AJAP1: variants seen among roughly 807,000 people sequenced by gnomAD.
AJAP1 encodes adherens junctions associated protein 1.
In AJAP1, 5 loss-of-function variants were observed where a neutral mutation model predicts 35.0. That is an observed-to-expected ratio of 0.14 (90% CI 0.07 to 0.30). The LOEUF (loss-of-function observed/expected upper bound fraction) is 0.30. Among genes scored for constraint, AJAP1 ranks in the 10% least tolerant of loss-of-function variants. The pLI is 1.00. For missense variants in AJAP1, 586 were observed against 571.0 expected, an observed-to-expected ratio of 1.03 and a Z score of -0.27; for synonymous variants, 284 against 249.3, an observed-to-expected ratio of 1.14 and a Z score of -1.31.
chr1:4,705,950 C>T (rs2100254208), intron 1 of AJAP1, among the ~76,000 whole-genome samples: 1 of 152,320 alleles, frequency 6.6e-6, no homozygotes. Flanking sequence ...GCATGGTGAC[C>T]TACGGTATCC....
Position 4,776,940 on chromosome 1 carries a change from C to G in AJAP1, c.*59+2382C>G, listed in dbSNP as rs149329254. ...CGCTCAGCCTGGGAATCTGCCGACA[C>G]GAAGCCACGGCCCACTCCTGGTGGC... is the stretch of plus-strand genomic sequence containing the variant. On this transcript the variant is annotated intron_variant, in intron 5 of 5. Transcript: ENST00000378191. 5.9e-3 allele frequency among the ~76,000 whole-genome samples: 901 copies of G among 152,362 alleles called. 4 individuals are homozygous for G. The highest frequency in any genetic ancestry group is 0.01 in the Non-Finnish European group (713 of 68,038).
intron 2 of AJAP1, among the ~76,000 whole-genome samples, chr1:4,727,972 G>A (rs932543695): frequency 3.3e-5 from 5 of 152,190 alleles, no homozygotes; most frequent in Non-Finnish European, 5.9e-5. Flanking sequence ...GGTGGTACAC[G>A]GAGCCTCTGA....
chr1:4,702,973 T>C (rs1397129183), intron 1 of AJAP1, among the ~76,000 whole-genome samples: 1 of 152,196 alleles, frequency 6.6e-6, no homozygotes, highest in Non-Finnish European at 1.5e-5. Context: ...TCTTGTGTTC[T>C]GGAGGTTTCT....
chr1:4,772,015 G>C (rs940615476), intron 3 of AJAP1, among the ~76,000 whole-genome samples: 1 of 151,764 alleles, frequency 6.6e-6, no homozygotes, highest in African/African-American at 2.4e-5. Context: ...CTAGCTCTGC[G>C]ATCACACAGC....
chr1:4,655,551 TCTTCG>T lies in AJAP1; in HGVS notation c.29+102_29+106del. On this transcript the variant is annotated intron_variant, in intron 1 of 5. Coordinates refer to ENST00000378191, the MANE Select transcript of AJAP1 (RefSeq NM_018836.4). This position sits in a 1 kb window ranked among gnomAD's most constrained non-coding sequence, Gnocchi z 6.9. Reference sequence around the variant, plus strand: ...TCTATGTTGCAAATCAAGGGACCCCTCTTCGCTTCCCGCAAGCGGGCAACGGGGTG... The same window carrying T: ...TCTATGTTGCAAATCAAGGGACCCCTCTTCCCGCAAGCGGGCAACGGGGTG... 1.4e-6 allele frequency: 2 copies of T among 1,431,484 alleles called. No individual in the cohort carries two copies. Among genetic ancestry groups the T allele is most frequent in the South Asian group, 2.5e-5 (2 of 79,624 alleles). 88.7% of individuals were successfully genotyped at this position (1,431,484 alleles called of 1,614,324 possible).
At position 4,712,764 on chromosome 1, in the gene AJAP1, G is replaced by A. The variant is rs1034844122; in HGVS notation, c.829+65G>A. The A allele has an allele frequency of 2.2e-5, 32 of 1,440,718 alleles. No individual in the cohort carries two copies. In the Admixed American group the frequency reaches 4.4e-4, roughly 20 times the overall value. The allele number at this position is 1,440,718 out of a possible 1,614,324, so 89.2% of individuals were successfully genotyped here. A position where few individuals can be genotyped will look rare whatever the true frequency, so the allele number is the denominator to read the frequency against. ...TGAGGGCTGGGAGCGTGACTCGGGA[G>A]AGATGCTTAGATGTCCCTGGGTGAT... is the stretch of plus-strand genomic sequence containing the variant. On this transcript the variant is annotated intron_variant, in intron 2 of 5. Transcript: ENST00000378191.
intron 2 of AJAP1, among the ~76,000 whole-genome samples, chr1:4,730,681 C>T (rs1019304820): frequency 3.9e-5 from 6 of 152,158 alleles, no homozygotes; most frequent in African/African-American, 9.7e-5. Flanking sequence ...CCCGTGTTCC[C>T]AGGAGGAAAA....
chr1:4,694,152 G>A (rs766421535), intron 1 of AJAP1, among the ~76,000 whole-genome samples: 4 of 150,392 alleles, frequency 2.7e-5, no homozygotes, highest in Non-Finnish European at 4.4e-5. Flanking sequence ...AGTCCATTAC[G>A]ACCAGCTCAG....
chr1:4,743,839 G>T (rs1341166190), intron 2 of AJAP1, among the ~76,000 whole-genome samples: 5 of 152,132 alleles, frequency 3.3e-5, no homozygotes, highest in Admixed American at 3.3e-4. Context: ...TTGGCCTCCT[G>T]ACTTCAATGA....
chr1:4,705,330 A>G (rs12131565), intron 1 of AJAP1, among the ~76,000 whole-genome samples: 18,962 of 147,934 alleles, frequency 0.13, 1,348 homozygotes, highest in South Asian at 0.19. Flanking sequence ...GGCATGGGCA[A>G]GGACTTCATG....
rs576063673 is a variant in AJAP1 at position 4,682,226 on chromosome 1, C to T, written c.29+26772C>T. 6.2e-4 allele frequency among the ~76,000 whole-genome samples: 94 copies of T among 152,310 alleles called. 1 individual carries two copies. The highest frequency in any genetic ancestry group is 2.2e-3 in the African/African-American group (91 of 41,544). On this transcript the variant is annotated intron_variant, in intron 1 of 5. Coordinates refer to ENST00000378191, the MANE Select transcript of AJAP1 (RefSeq NM_018836.4). The stretch of plus-strand genomic sequence containing the variant: ...AATATGGAGGTGTGGATGTGGCAGG[C>T]TGTGCTGCCCATCGATGGTCTTCAT...
chr1:4,772,663 C>T (rs530408145), intron 4 of AJAP1, 138 bp downstream of exon 4: 2,172 of 1,286,838 alleles, frequency 1.7e-3, no homozygotes, highest in Non-Finnish European at 2.2e-3. Context: ...CCAGCCAAGG[C>T]GGACAGCTAA....
rs911556065 is a variant in AJAP1, at chr1:4,692,714, C to T, written c.30-19186C>T. Reference sequence around the variant, plus strand: ...CTCCAAGCAGCCTTCCAGGCTCAGCCAAGCAGAGATGAAGCCACCCTGGCA... The same window carrying T: ...CTCCAAGCAGCCTTCCAGGCTCAGCTAAGCAGAGATGAAGCCACCCTGGCA... On this transcript the variant is annotated intron_variant, in intron 1 of 5. Coordinates refer to ENST00000378191, the MANE Select transcript of AJAP1 (RefSeq NM_018836.4). This position sits in a 1 kb window ranked among gnomAD's most constrained non-coding sequence, Gnocchi z 4.4. Among the ~76,000 whole-genome samples, 1 of 152,194 alleles carries T rather than the reference C, an allele frequency of 6.6e-6. No homozygotes were observed. Among genetic ancestry groups the T allele is most frequent in the African/African-American group, 2.4e-5 (1 of 41,446 alleles).
At chr1:4,728,316 C>T (rs1227401105) in intron 2 of AJAP1, among the ~76,000 whole-genome samples, 1 of 151,942 alleles carries the variant, frequency 6.6e-6, no homozygotes, top group East Asian at 2.0e-4. Flanking sequence ...CGGGGCCCTT[C>T]CGATGGCATG....
intron 2 of AJAP1, among the ~76,000 whole-genome samples, chr1:4,728,230 A>G (rs976444227): frequency 1.3e-5 from 2 of 152,112 alleles, no homozygotes; most frequent in African/African-American, 2.4e-5. Flanking sequence ...AGGGGGTCTG[A>G]GTCTGGAAGC....
intron 5 of AJAP1, among the ~76,000 whole-genome samples, chr1:4,776,577 A>G (rs897435782): frequency 6.6e-6 from 1 of 152,184 alleles, no homozygotes; most frequent in Non-Finnish European, 1.5e-5. Flanking sequence ...AGGGCAAAAA[A>G]AAGTGTTTTA....
chr1:4,678,518 G>GA (rs1292213396), intron 1 of AJAP1, among the ~76,000 whole-genome samples: 1 of 152,224 alleles, frequency 6.6e-6, no homozygotes, highest in Non-Finnish European at 1.5e-5. Flanking sequence ...AAGGCTGCCT[G>GA]ACAGAGGGCC....
chr1:4,704,234 G>A (rs1640052462), intron 1 of AJAP1, among the ~76,000 whole-genome samples: 1 of 149,680 alleles, frequency 6.7e-6, no homozygotes, highest in African/African-American at 2.5e-5. Context: ...GTATACATGT[G>A]CCATGCTGGT....
At chr1:4,689,455 T>A (rs922435301) in intron 1 of AJAP1, among the ~76,000 whole-genome samples, 25 of 152,178 alleles carry the variant, frequency 1.6e-4, no homozygotes, top group African/African-American at 5.8e-4. Context: ...GCGGGGGGCG[T>A]TCCTGGCAGG....
Sources: gnomAD v4.1 joint callset for allele counts (sites outside exome capture counted in the v4.1 genomes callset) on GRCh38, gnomAD v4.1.1 for gene constraint, Gnocchi (gnomAD v3.1) non-coding constraint, MANE v1.5 for transcripts, NCBI Gene and HGNC (gene_info 2026-07-23, HGNC 2026-07-21) for gene names.